The following RGS7 variants were observed in gnomAD, a reference collection of about 807,000 sequenced individuals.
RGS7 encodes the protein regulator of G protein signaling 7.
A neutral mutation model predicts 81.1 loss-of-function variants in RGS7; 27 were observed. The ratio of observed to expected loss-of-function variants is 0.33; its 90% CI spans 0.25 to 0.46. The LOEUF (loss-of-function observed/expected upper bound fraction) is 0.46. Among genes scored for constraint, RGS7 ranks in the 20% least tolerant of loss-of-function variants. The pLI is 1.00. For missense variants in RGS7, 396 were observed against 607.4 expected (o/e 0.65, Z 3.66); for synonymous variants, 208 against 207.7 (o/e 1.00, Z -0.01).
At chr1:240,904,887 C>T (rs1670574247) in intron 6 of RGS7, among the ~76,000 whole-genome samples, 1 of 152,136 alleles carries the variant, frequency 6.6e-6, no homozygotes, top group African/African-American at 2.4e-5. Context: ...TTCAATGCTC[C>T]ATGCATGGCT....
intron 2 of RGS7, among the ~76,000 whole-genome samples, chr1:241,334,346 T>C (rs2082127458): frequency 6.6e-6 from 1 of 152,176 alleles, no homozygotes; most frequent in African/African-American, 2.4e-5. Flanking sequence ...ACTTTCTTGT[T>C]GCTGGAGAGC....
rs139462072 is a variant in RGS7, at chr1:241,187,739, G to T, written c.79-88977C>A. Among the ~76,000 whole-genome samples the T allele has an allele frequency of 4.3e-3, 656 of 152,226 alleles. 4 individuals are homozygous for T. Among genetic ancestry groups the T allele is most frequent in the African/African-American group, 0.015 (643 of 41,544 alleles). On this transcript the variant is annotated intron_variant, in intron 2 of 18. Coordinates refer to ENST00000440928, the MANE Select transcript of RGS7 (RefSeq NM_001364886.1). ...GTATATACTGCCACTTATCTCTCTT[G>T]CCTCATTTCTCAATAAAGAAACCTG...
chr1:240,824,117 C>T (rs1049020198), intron 10 of RGS7, among the ~76,000 whole-genome samples: 14 of 152,196 alleles, frequency 9.2e-5, no homozygotes, highest in African/African-American at 3.4e-4. Flanking sequence ...ATCATGCATA[C>T]AGCAAAGCCT....
intron 2 of RGS7, among the ~76,000 whole-genome samples, chr1:241,345,421 C>T (rs186343386): frequency 4.9e-4 from 75 of 152,140 alleles, no homozygotes; most frequent in South Asian, 4.2e-4. Flanking sequence ...CAGTGAACTA[C>T]GACATGATAC....
intron 4 of RGS7, among the ~76,000 whole-genome samples, chr1:240,964,782 T>C (rs1682018985): frequency 6.6e-6 from 1 of 152,232 alleles, no homozygotes; most frequent in Non-Finnish European, 1.5e-5. Context: ...AAGTGTATTT[T>C]ATTCGAACTT....
intron 4 of RGS7, among the ~76,000 whole-genome samples, chr1:240,973,583 G>T (rs1345611654): frequency 6.6e-6 from 1 of 152,034 alleles, no homozygotes; most frequent in African/African-American, 2.4e-5. Flanking sequence ...CATTATCAAA[G>T]ATAACAGAGA....
chr1:241,100,499 T>C (rs2064654828), intron 2 of RGS7, among the ~76,000 whole-genome samples: 1 of 152,198 alleles, frequency 6.6e-6, no homozygotes, highest in Non-Finnish European at 1.5e-5. Flanking sequence ...TGAACAGATG[T>C]ATTACTATGA....
chr1:241,235,547 T>G (rs1197371767), intron 2 of RGS7, among the ~76,000 whole-genome samples: 1 of 152,240 alleles, frequency 6.6e-6, no homozygotes, highest in South Asian at 2.1e-4. Flanking sequence ...TTTTTCATTC[T>G]GATTGTAGAA....
intron 14 of RGS7, among the ~76,000 whole-genome samples, chr1:240,811,297 A>C (rs1481793278): frequency 6.6e-6 from 1 of 152,236 alleles, no homozygotes; most frequent in Non-Finnish European, 1.5e-5. Context: ...CTTATATTTA[A>C]AAATGCAATT....
chr1:241,289,168 G>A (rs1256046610), intron 2 of RGS7, among the ~76,000 whole-genome samples: 1 of 152,180 alleles, frequency 6.6e-6, no homozygotes, highest in Non-Finnish European at 1.5e-5. Flanking sequence ...CTTTCAATGA[G>A]ATGCTTAGCA....
At chr1:241,223,608 T>C (rs1176766617) in intron 2 of RGS7, among the ~76,000 whole-genome samples, 3 of 151,588 alleles carry the variant, frequency 2.0e-5, no homozygotes, top group South Asian at 2.1e-4. Flanking sequence ...AAAGAGAACA[T>C]AATAGCGCAT....
chr1:241,134,410 T>TTG (rs1022309513), intron 2 of RGS7, among the ~76,000 whole-genome samples: 24 of 152,252 alleles, frequency 1.6e-4, no homozygotes, highest in African/African-American at 5.3e-4. Context: ...TAAATTGTGT[T>TTG]TGTGTGTGTG....
At chr1:240,855,839 T>G (rs768214110) in intron 9 of RGS7, among the ~76,000 whole-genome samples, 11 of 152,200 alleles carry the variant, frequency 7.2e-5, no homozygotes, top group Non-Finnish European at 1.6e-4. Context: ...GAAACACTTG[T>G]CTTTCTATTG....
chr1:241,101,727 T>C (rs756881611), intron 2 of RGS7, among the ~76,000 whole-genome samples: 1 of 152,194 alleles, frequency 6.6e-6, no homozygotes, highest in Non-Finnish European at 1.5e-5. Context: ...AAATGCAGAA[T>C]AAGCTGCTTT....
In RGS7 at chr1:241,113,168, C is replaced by T. The variant is rs184283043; in HGVS notation, c.79-14406G>A. Among the ~76,000 whole-genome samples the T allele has an allele frequency of 2.3e-4, 35 of 152,264 alleles. No individual in the cohort carries two copies. The East Asian group carries it at 4.0e-3, about 18-fold the overall frequency. ...ATCCACCACAATTTTGTTTTCCCCA[C>T]GAGTGCCAAGAAAATCAGAATGTCT... is the stretch of plus-strand genomic sequence containing the variant. On this transcript the variant is annotated intron_variant, in intron 2 of 18. Transcript: ENST00000440928.
At chr1:241,026,588 CA>C (rs1404495032) in intron 3 of RGS7, among the ~76,000 whole-genome samples, 103 of 135,040 alleles carry the variant, frequency 7.6e-4, no homozygotes, top group Admixed American at 7.6e-4. Flanking sequence ...GACTCTGTCT[CA>C]AAAAAAAAAA....
intron 6 of RGS7, among the ~76,000 whole-genome samples, chr1:240,918,565 A>T (rs1280132459): frequency 6.6e-6 from 1 of 152,198 alleles, no homozygotes; most frequent in Non-Finnish European, 1.5e-5. Context: ...ATGAAAATAC[A>T]TGTTATCAAA....
At chr1:241,269,976 G>T (rs1422773037) in intron 2 of RGS7, among the ~76,000 whole-genome samples, 1 of 152,210 alleles carries the variant, frequency 6.6e-6, no homozygotes, top group Non-Finnish European at 1.5e-5. Context: ...TTTTGGCAGT[G>T]CCTCTACTGG....
intron 2 of RGS7, among the ~76,000 whole-genome samples, chr1:241,117,343 T>A (rs2065946347): frequency 1.3e-5 from 2 of 152,164 alleles, no homozygotes; most frequent in Admixed American, 1.3e-4. Context: ...CAGGATTTTT[T>A]AAACTATGCA....
Sources: gnomAD v4.1 joint callset for allele counts (sites outside exome capture counted in the v4.1 genomes callset) on GRCh38, gnomAD v4.1.1 for gene constraint, MANE v1.5 for transcripts, NCBI Gene and HGNC (gene_info 2026-07-23, HGNC 2026-07-21) for gene names.